The following KCNAB2 variants were observed in gnomAD, a reference collection of about 807,000 sequenced individuals.
KCNAB2 encodes the protein voltage-gated potassium channel subunit beta-2.
KCNAB2 carries 29 observed loss-of-function variants against 63.6 expected under a neutral mutation model. The ratio of observed to expected loss-of-function variants is 0.46; its 90% CI spans 0.34 to 0.62. KCNAB2 has a LOEUF of 0.62. KCNAB2 is among the 20% of genes least tolerant of loss of function. KCNAB2 has a pLI of 0.01. For synonymous variants in KCNAB2, 222 were observed against 224.2 expected, an observed-to-expected ratio of 0.99 and a Z score of 0.09; for missense variants, 359 against 563.9, an observed-to-expected ratio of 0.64 and a Z score of 3.68.
At chr1:6,017,013 C>G (rs1658544514) in intron 1 of KCNAB2, among the ~76,000 whole-genome samples, 1 of 152,122 alleles carries the variant, frequency 6.6e-6, no homozygotes, top group Non-Finnish European at 1.5e-5. Context: ...CTAAAACTCA[C>G]CCACAAAATA....
At chr1:6,080,394 C>T (rs1439488054) in intron 4 of KCNAB2, among the ~76,000 whole-genome samples, 1 of 152,196 alleles carries the variant, frequency 6.6e-6, no homozygotes, top group African/African-American at 2.4e-5. Context: ...GCTGGGGGGG[C>T]AGCAGCAGGT....
chr1:6,096,870 G>T lies in KCNAB2; in HGVS notation c.1069+114G>T. 1 of 1,321,704 alleles carries T rather than the reference G, an allele frequency of 7.6e-7. No individual in the cohort carries two copies. The highest frequency in any genetic ancestry group is 1.5e-5 in the South Asian group (1 of 65,126). The allele number at this position is 1,321,704 out of a possible 1,614,324, so 81.9% of individuals were successfully genotyped here. A position where few individuals can be genotyped will look rare whatever the true frequency, so the allele number is the denominator to read the frequency against. On this transcript the variant is annotated intron_variant, in intron 14 of 15. Transcript: ENST00000378083. This position sits in a 1 kb window ranked among gnomAD's most constrained non-coding sequence, Gnocchi z 5.9. ...CAGTGTCTCCGGGGAGAGAGGGAAG[G>T]GATCCCTGGACATCATCCCCCAGCC...
intron 2 of KCNAB2, among the ~76,000 whole-genome samples, chr1:6,070,102 A>G (rs1663072768): frequency 6.6e-6 from 1 of 152,214 alleles, no homozygotes; most frequent in Non-Finnish European, 1.5e-5. Flanking sequence ...GTGGTTTTGC[A>G]GAGGTGGGGG....
At chr1:6,056,279 A>G (rs1246417903) in intron 2 of KCNAB2, among the ~76,000 whole-genome samples, 3 of 152,148 alleles carry the variant, frequency 2.0e-5, no homozygotes, top group Non-Finnish European at 4.4e-5. Context: ...TCCTGACCTC[A>G]AGTGACCCAC....
intron 2 of KCNAB2, among the ~76,000 whole-genome samples, chr1:6,053,101 A>G (rs989049564): frequency 6.6e-6 from 1 of 152,080 alleles, no homozygotes; most frequent in Admixed American, 6.6e-5. Context: ...CTGTGAGTCC[A>G]TTAGATGGCA....
intron 1 of KCNAB2, among the ~76,000 whole-genome samples, chr1:6,016,275 C>T (rs960384156): frequency 2.6e-5 from 4 of 152,152 alleles, no homozygotes; most frequent in African/African-American, 9.7e-5. Flanking sequence ...CCAACATCTC[C>T]GAGTGAGGGG....
rs1003932268 is a variant in KCNAB2 at position 6,035,504 on chromosome 1, C to A, written c.-53+710C>A. Among the ~76,000 whole-genome samples, 1 of 151,758 alleles carries A rather than the reference C, an allele frequency of 6.6e-6. No homozygotes were observed. Among genetic ancestry groups the A allele is most frequent in the Non-Finnish European group, 1.5e-5 (1 of 67,912 alleles). ...CAGGGAGAGGCACGGGGCCCCTGGC[C>A]CAGGGATGGATTGGATGTGGGAGGC... On this transcript the variant is annotated intron_variant, in intron 1 of 15. Coordinates refer to the KCNAB2 transcript ENST00000164247. The surrounding 1 kb of genome is among the most constrained non-coding windows in gnomAD (Gnocchi z 5.0).
rs572711102 is a variant in KCNAB2, at chr1:6,003,937, C to T, written c.-53+11149C>T. On this transcript the variant is annotated intron_variant, in intron 1 of 16. Transcript: ENST00000341524. The surrounding 1 kb of genome is among the most constrained non-coding windows in gnomAD (Gnocchi z 4.1). ...GCTGCCTTTCAAATTGCTGCCGCAG[C>T]GCTGCCTGGCAAGATGTTAATCGTT... Among the ~76,000 whole-genome samples the T allele has an allele frequency of 5.9e-5, 9 of 152,208 alleles. No homozygotes were observed. The highest frequency in any genetic ancestry group is 1.2e-4 in the African/African-American group (5 of 41,442).
chr1:6,017,886 GA>G (rs1658605808), intron 1 of KCNAB2, among the ~76,000 whole-genome samples: 1 of 151,730 alleles, frequency 6.6e-6, no homozygotes, highest in Non-Finnish European at 1.5e-5. Context: ...GTTCCTGGAG[GA>G]GATGTTGTCC....
chr1:5,999,903 C>G (rs1459710625), intron 1 of KCNAB2, among the ~76,000 whole-genome samples: 1 of 151,066 alleles, frequency 6.6e-6, no homozygotes, highest in Non-Finnish European at 1.5e-5. Flanking sequence ...TCTGTGTCGT[C>G]TGTGCCCTGT....
At chr1:6,066,942 C>T (rs1367445024) in intron 2 of KCNAB2, among the ~76,000 whole-genome samples, 3 of 152,256 alleles carry the variant, frequency 2.0e-5, no homozygotes, top group Non-Finnish European at 4.4e-5. Flanking sequence ...GGTGCTGTGA[C>T]TTGTATGTGG....
chr1:5,996,324 TG>T (rs1048805775), intron 1 of KCNAB2, among the ~76,000 whole-genome samples: 8 of 152,162 alleles, frequency 5.3e-5, no homozygotes, highest in African/African-American at 1.9e-4. Context: ...TGCCACATCC[TG>T]GGGAACTCAG....
At chr1:6,082,492 G>A (rs1664293841) in intron 5 of KCNAB2, among the ~76,000 whole-genome samples, 2 of 152,170 alleles carry the variant, frequency 1.3e-5, no homozygotes. Context: ...TCCCCGTGGA[G>A]CCACCAGGGG....
intron 1 of KCNAB2, among the ~76,000 whole-genome samples, chr1:6,050,231 C>T (rs996299664): frequency 6.6e-6 from 1 of 152,234 alleles, no homozygotes; most frequent in Non-Finnish European, 1.5e-5. Context: ...AGCTCCCAGG[C>T]CAGGTTCCAG....
rs1395062881 is a variant in KCNAB2, at chr1:6,045,914, G to A, written c.-296G>A. On this transcript the variant is annotated 5_prime_UTR_variant, in exon 1 of 16. Coordinates refer to ENST00000378083, the MANE Select transcript of KCNAB2 (RefSeq NM_001199862.2). The surrounding 1 kb of genome is among the most constrained non-coding windows in gnomAD (Gnocchi z 4.8). ...GTCAGCCTTGCCAGGTTGCAGCACG[G>A]AACTGCACTTCCCGAGCTTTTAGGG... is the stretch of plus-strand genomic sequence containing the variant. The A allele has an allele frequency of 1.0e-6, 1 of 985,334 alleles. No homozygotes were observed. The highest frequency in any genetic ancestry group is 1.7e-5 in the African/African-American group (1 of 57,244). The allele number at this position is 985,334 out of a possible 1,614,324, so 61.0% of individuals were successfully genotyped here.
At chr1:6,020,477 A>G (rs774054251) in intron 1 of KCNAB2, among the ~76,000 whole-genome samples, 11 of 152,016 alleles carry the variant, frequency 7.2e-5, no homozygotes, top group Non-Finnish European at 1.5e-4. Context: ...AGCCTCTTCC[A>G]TGACAAGAAC....
rs6691742 is a variant in KCNAB2 at position 6,078,496 on chromosome 1, C to A, written c.301-3699C>A. On this transcript the variant is annotated intron_variant, in intron 4 of 15. Transcript: ENST00000378083. This position sits in a 1 kb window ranked among gnomAD's most constrained non-coding sequence, Gnocchi z 4.2. ...GTCAGGAAGCAGAAGCGAGCAAGGA[C>A]GCCACGTGGTGGTCCAGAGAAAGAG... 0.098 allele frequency among the ~76,000 whole-genome samples: 14,825 copies of A among 151,958 alleles called. 838 individuals carry two copies. The highest frequency in any genetic ancestry group is 0.13 in the East Asian group (654 of 5,160).
upstream of KCNAB2, among the ~76,000 whole-genome samples, chr1:6,043,884 C>T (rs1660707497): frequency 6.6e-6 from 1 of 152,226 alleles, no homozygotes; most frequent in Admixed American, 6.5e-5. Flanking sequence ...GCATCTCTTC[C>T]TTGCTCCCGT....
chr1:6,030,272 C>T (rs1383730331), upstream of KCNAB2, among the ~76,000 whole-genome samples: 1 of 152,150 alleles, frequency 6.6e-6, no homozygotes, highest in Non-Finnish European at 1.5e-5. Context: ...GTTGCCTGGT[C>T]CAGGTGGGGT....
Sources: gnomAD v4.1 joint callset for allele counts (sites outside exome capture counted in the v4.1 genomes callset) on GRCh38, gnomAD v4.1.1 for gene constraint, Gnocchi (gnomAD v3.1) non-coding constraint, MANE v1.5 for transcripts, NCBI Gene and HGNC (gene_info 2026-07-23, HGNC 2026-07-21) for gene names.